The following PCGF3 variants were observed in gnomAD, a reference collection of about 807,000 sequenced individuals.
The protein encoded by PCGF3 is polycomb group ring finger 3.
Under a neutral mutation model 33.1 loss-of-function variants are expected in PCGF3, and 7 were observed. The ratio of observed to expected loss-of-function variants is 0.21; its 90% CI spans 0.12 to 0.40. The LOEUF is 0.40. PCGF3 is among the 10% of genes least tolerant of loss of function. PCGF3 has a pLI of 1.00. For missense variants in PCGF3, 211 were observed against 313.3 expected (o/e 0.67, Z 2.46); for synonymous variants, 153 against 121.3 (o/e 1.26, Z -1.72).
At chr4:715,386 A>G (rs13119854) in intron 1 of PCGF3, among the ~76,000 whole-genome samples, 147 of 74,604 alleles carry the variant, frequency 2.0e-3, no homozygotes, top group African/African-American at 4.9e-3. Context: ...AGAACCGGGC[A>G]TCGGTGCTGG....
rs1432541257 is a variant in PCGF3, at chr4:707,465, GCC to G, written c.-190+1497_-190+1498del. On this transcript the variant is annotated intron_variant, in intron 1 of 10. Coordinates refer to ENST00000362003, the Ensembl canonical transcript of PCGF3. ...CCGTCTCCCCCGGGACCCTGAGACA[GCC>G]CTGTTTTCCCCTGGGGGCCGGGACC... Among the ~76,000 whole-genome samples, 21 of 151,180 alleles carry G rather than the reference GCC, an allele frequency of 1.4e-4. 5 individuals are homozygous for G. The highest frequency in any genetic ancestry group is 2.1e-4 in the South Asian group (1 of 4,782).
chr4:754,823 G>A (rs529153573), intron 8 of PCGF3, among the ~76,000 whole-genome samples: 152 of 152,334 alleles, frequency 1.0e-3, no homozygotes, highest in Non-Finnish European at 1.5e-3. Context: ...GTGGCCATGC[G>A]GAGACCAGGC....
intron 5 of PCGF3, among the ~76,000 whole-genome samples, chr4:735,266 G>T (rs896789244): frequency 6.6e-6 from 1 of 152,232 alleles, no homozygotes; most frequent in African/African-American, 2.4e-5. Context: ...ACTTAGGTAG[G>T]CCGGGCGCAG....
intron 1 of PCGF3, among the ~76,000 whole-genome samples, chr4:719,690 G>A (rs142297868): frequency 1.3e-5 from 2 of 152,354 alleles, no homozygotes; most frequent in African/African-American, 4.8e-5. Context: ...GGGCAGGACG[G>A]TGCAGGGCGG....
Position 729,929 on chromosome 4 carries a change from C to T in PCGF3, c.-189-701C>T, listed in dbSNP as rs562119831. On this transcript the variant is annotated intron_variant, in intron 1 of 10. Coordinates refer to ENST00000362003, the Ensembl canonical transcript of PCGF3. The stretch of plus-strand genomic sequence containing the variant: ...CACACAGGAACGTGTGGGAGGCCAC[C>T]GAGGTTCCCGGGGAAGCACTCCCAG... Among the ~76,000 whole-genome samples the T allele has an allele frequency of 8.5e-5, 13 of 152,292 alleles. No individual in the cohort carries two copies. The South Asian group carries it at 1.7e-3, about 19-fold the overall frequency.
At chr4:760,620 T>TG (rs372866717) in intron 8 of PCGF3, among the ~76,000 whole-genome samples, 13 of 152,378 alleles carry the variant, frequency 8.5e-5, no homozygotes, top group African/African-American at 2.9e-4. Flanking sequence ...TGCCGTTTGT[T>TG]GCGGCTCCAC....
intron 6 of PCGF3, among the ~76,000 whole-genome samples, chr4:743,195 C>T (rs577175228): frequency 1.1e-4 from 17 of 152,312 alleles, no homozygotes; most frequent in Admixed American, 4.6e-4. Flanking sequence ...ATGACAGTCC[C>T]GCACCTGGGT....
chr4:742,854 G>T (rs1744153887), intron 6 of PCGF3, among the ~76,000 whole-genome samples: 1 of 152,240 alleles, frequency 6.6e-6, no homozygotes, highest in African/African-American at 2.4e-5. Flanking sequence ...AGAGCTCATA[G>T]CTGTGAGCAG....
intron 3 of PCGF3, 66 bp from the exon 4 acceptor site, chr4:733,606 A>C: frequency 1.3e-6 from 2 of 1,492,482 alleles, no homozygotes; most frequent in Non-Finnish European, 9.0e-7. Context: ...CGGCTGTCAG[A>C]GCTCAGCCAA....
chr4:756,243 T>C (rs1403739610), intron 8 of PCGF3, among the ~76,000 whole-genome samples: 1 of 146,624 alleles, frequency 6.8e-6, no homozygotes, highest in Non-Finnish European at 1.5e-5. Flanking sequence ...TGTAGTCTTA[T>C]ACTCTGTCGC....
intron 5 of PCGF3, 84 bp downstream of exon 5, chr4:735,111 C>T (rs746758812): frequency 4.0e-5 from 57 of 1,412,868 alleles, no homozygotes; most frequent in Admixed American, 2.1e-4. Flanking sequence ...AGGCCATTAG[C>T]GCTGTACTCC....
intron 1 of PCGF3, among the ~76,000 whole-genome samples, chr4:711,445 T>TC (rs1252940401): frequency 3.6e-5 from 5 of 137,548 alleles, no homozygotes; most frequent in African/African-American, 1.0e-4. Context: ...TAATTTTTCT[T>TC]TTTTTTTTCT....
intron 8 of PCGF3, among the ~76,000 whole-genome samples, chr4:752,716 C>T (rs1043098106): frequency 1.2e-4 from 19 of 152,212 alleles, no homozygotes; most frequent in Admixed American, 7.2e-4. Flanking sequence ...CAGCCTCCTC[C>T]GGTTCCAGGC....
At chr4:735,588 G>C (rs1171531312) in intron 5 of PCGF3, among the ~76,000 whole-genome samples, 1 of 152,148 alleles carries the variant, frequency 6.6e-6, no homozygotes, top group African/African-American at 2.4e-5. Flanking sequence ...TTGTTGGAGA[G>C]CCCTCAAGAC....
chr4:727,194 T>C (rs1743364626), intron 1 of PCGF3, among the ~76,000 whole-genome samples: 1 of 150,256 alleles, frequency 6.7e-6, no homozygotes. Flanking sequence ...TGAACATTGT[T>C]GTATAAGACT....
intron 1 of PCGF3, among the ~76,000 whole-genome samples, chr4:718,815 T>G (rs1481210211): frequency 2.0e-5 from 3 of 152,354 alleles, no homozygotes; most frequent in Non-Finnish European, 4.4e-5. Flanking sequence ...GAGGCAACTT[T>G]ACTGCCTGGG....
At chr4:762,655 C>G (rs955256920) in intron 9 of PCGF3, 2 of 152,204 alleles carry the variant, frequency 1.3e-5, no homozygotes, top group East Asian at 1.9e-4. Flanking sequence ...AGAACTGTGC[C>G]GAAATCAATT....
Position 721,819 on chromosome 4 carries a change from G to T in PCGF3, c.-189-8811G>T, listed in dbSNP as rs529775948. 3.0e-4 allele frequency among the ~76,000 whole-genome samples: 44 copies of T among 148,298 alleles called. No individual in the cohort carries two copies. Among genetic ancestry groups the T allele is most frequent in the African/African-American group, 1.0e-3 (40 of 39,842 alleles). On this transcript the variant is annotated intron_variant, in intron 1 of 10. Transcript: ENST00000362003. This position sits in a 1 kb window ranked among gnomAD's most constrained non-coding sequence, Gnocchi z 4.1. Reference sequence around the variant, plus strand: ...GCATGGGGAGGGGCCTGTGGGAGGTGGGTGGATGGGTGTCTCTGCATGTGG... The same window carrying T: ...GCATGGGGAGGGGCCTGTGGGAGGTTGGTGGATGGGTGTCTCTGCATGTGG...
At chr4:738,815 C>T (rs1743957446) in intron 6 of PCGF3, among the ~76,000 whole-genome samples, 3 of 151,916 alleles carry the variant, frequency 2.0e-5, no homozygotes, top group African/African-American at 2.4e-5. Context: ...GCTGAGATCG[C>T]GCCACTGCAC....
Sources: gnomAD v4.1 joint callset for allele counts (sites outside exome capture counted in the v4.1 genomes callset) on GRCh38, gnomAD v4.1.1 for gene constraint, Gnocchi (gnomAD v3.1) non-coding constraint, MANE v1.5 for transcripts, NCBI Gene and HGNC (gene_info 2026-07-23, HGNC 2026-07-21) for gene names.